Variants in NKAIN3 observed in about 807,000 individuals in gnomAD.
NKAIN3 encodes the protein sodium/potassium transporting ATPase interacting 3.
In NKAIN3, 25 loss-of-function variants were observed where a neutral mutation model predicts 30.2. That is an observed-to-expected ratio of 0.83 (90% CI 0.60 to 1.16). The LOEUF (loss-of-function observed/expected upper bound fraction) is 1.16, where lower values mean the gene tolerates loss of function less well. Among genes scored for constraint, NKAIN3 ranks in the 50% most tolerant of loss-of-function variants. The pLI, the probability that NKAIN3 is intolerant of heterozygous loss-of-function variation, is 0.00. For synonymous variants in NKAIN3, 91 were observed against 89.6 expected (o/e 1.02, Z -0.09); for missense variants, 225 against 254.1 (o/e 0.89, Z 0.78).
rs576112038 is a variant in NKAIN3, at chr8:62,421,576, G to A, written c.55-157963G>A. On this transcript the variant is annotated intron_variant, in intron 1 of 6. Coordinates refer to ENST00000623646, the MANE Select transcript of NKAIN3 (RefSeq NM_001304533.3). ...TTTTTCTGTATTAGCTGAAAATGCTGCGGGAGGAGGATTTGGCTGCAATTG... is the reference window on the plus strand; with the variant it reads ...TTTTTCTGTATTAGCTGAAAATGCTACGGGAGGAGGATTTGGCTGCAATTG... Among the ~76,000 whole-genome samples, 4 of 151,900 alleles carry A rather than the reference G, an allele frequency of 2.6e-5. No homozygotes were observed. The South Asian group carries it at 8.3e-4, about 32-fold the overall frequency.
intron 1 of NKAIN3, among the ~76,000 whole-genome samples, chr8:62,278,971 A>T (rs866110027): frequency 1.3e-5 from 2 of 152,116 alleles, no homozygotes; most frequent in African/African-American, 4.8e-5. Flanking sequence ...TCCACCATGG[A>T]TGAACTAGTT....
intron 1 of NKAIN3, among the ~76,000 whole-genome samples, chr8:62,489,694 A>G (rs1807011054): frequency 6.6e-6 from 1 of 152,260 alleles, no homozygotes; most frequent in African/African-American, 2.4e-5. Context: ...GAGGAAATCA[A>G]TAACCAAGTA....
intron 1 of NKAIN3, among the ~76,000 whole-genome samples, chr8:62,278,996 C>G (rs1289754426): frequency 6.6e-6 from 1 of 152,204 alleles, no homozygotes; most frequent in Non-Finnish European, 1.5e-5. Flanking sequence ...GTCCCACCAA[C>G]AGTGTAAAAG....
chr8:62,790,581 C>CTGTCTG (rs1554578141), intron 4 of NKAIN3, among the ~76,000 whole-genome samples: 1 of 147,398 alleles, frequency 6.8e-6, no homozygotes, highest in Non-Finnish European at 1.5e-5. Flanking sequence ...GTCTGTCTGT[C>CTGTCTG]TGTGTGTGTG....
intron 4 of NKAIN3, among the ~76,000 whole-genome samples, chr8:62,839,245 A>C (rs1819458574): frequency 6.6e-6 from 1 of 151,872 alleles, no homozygotes. Flanking sequence ...AACCAACTTA[A>C]AATCTGCTAA....
At chr8:62,987,119 G>A (rs1172295667), downstream of NKAIN3, among the ~76,000 whole-genome samples, 2 of 152,180 alleles carry the variant, frequency 1.3e-5, no homozygotes, top group Non-Finnish European at 2.9e-5. Context: ...GCGTGTGGTA[G>A]CTCATGCCTA....
At chr8:62,736,408 A>C (rs1341345897) in intron 3 of NKAIN3, among the ~76,000 whole-genome samples, 1 of 152,116 alleles carries the variant, frequency 6.6e-6, no homozygotes, top group East Asian at 1.9e-4. Context: ...TTATGTTCCA[A>C]GGCAGATTAT....
intron 4 of NKAIN3, among the ~76,000 whole-genome samples, chr8:62,878,389 T>A (rs1265739636): frequency 6.6e-6 from 1 of 151,794 alleles, no homozygotes; most frequent in African/African-American, 2.4e-5. Context: ...GACAGAAGAG[T>A]CTTGCTGGAG....
rs558132758 is a variant in NKAIN3 at position 62,565,208 on chromosome 8, T to A, written c.55-14331T>A. Reference sequence around the variant, plus strand: ...ATTTTATTTTTTTGATATATCAACATGTACTTTTATTATCCTATAATATCG... The same window carrying A: ...ATTTTATTTTTTTGATATATCAACAAGTACTTTTATTATCCTATAATATCG... On this transcript the variant is annotated intron_variant, in intron 1 of 6. Coordinates refer to ENST00000623646, the MANE Select transcript of NKAIN3 (RefSeq NM_001304533.3). 3.3e-5 allele frequency among the ~76,000 whole-genome samples: 5 copies of A among 152,300 alleles called. No individual in the cohort carries two copies. In the South Asian group the frequency reaches 1.0e-3, roughly 32 times the overall value.
intron 4 of NKAIN3, among the ~76,000 whole-genome samples, chr8:62,750,073 G>C (rs1205624622): frequency 6.6e-6 from 1 of 152,020 alleles, no homozygotes. Context: ...AAAAACAGGG[G>C]TGATGGTCGC....
intron 4 of NKAIN3, among the ~76,000 whole-genome samples, chr8:62,797,847 G>A (rs1197237602): frequency 6.6e-6 from 1 of 152,100 alleles, no homozygotes; most frequent in Non-Finnish European, 1.5e-5. Context: ...TGTGACTATT[G>A]TTATTATAAA....
At chr8:62,950,888 C>T (rs1823265238) in intron 5 of NKAIN3, among the ~76,000 whole-genome samples, 1 of 150,298 alleles carries the variant, frequency 6.7e-6, no homozygotes, top group Admixed American at 6.6e-5. Flanking sequence ...CAACTCTTTC[C>T]ATTTCTACCA....
chr8:62,743,420 C>T (rs1815970818), intron 3 of NKAIN3, among the ~76,000 whole-genome samples: 1 of 152,170 alleles, frequency 6.6e-6, no homozygotes, highest in Admixed American at 6.5e-5. Context: ...TCACAGTCCA[C>T]ACTCCTAAAA....
At chr8:62,963,119 CTGACCTCGGG>C (rs1823617421) in intron 6 of NKAIN3, among the ~76,000 whole-genome samples, 1 of 152,186 alleles carries the variant, frequency 6.6e-6, no homozygotes, top group African/African-American at 2.4e-5. Flanking sequence ...TCTCAAACTC[CTGACCTCGGG>C]TGATCCACCA....
At position 62,456,391 on chromosome 8, in the gene NKAIN3, C is replaced by T. The variant is rs1449749458; in HGVS notation, c.55-123148C>T. ...AAAATTAGCCAGGCGTGGTGGCGGG[C>T]GCCTGTAGTCCCAGCTACTTGGGAG... is the stretch of plus-strand genomic sequence containing the variant. On this transcript the variant is annotated intron_variant, in intron 1 of 6. Transcript: ENST00000623646. Among the ~76,000 whole-genome samples the T allele has an allele frequency of 1.2e-4, 19 of 152,040 alleles. No homozygotes were observed. In the East Asian group the frequency reaches 1.6e-3, roughly 12 times the overall value.
rs1045893922 is a variant in NKAIN3 at position 62,967,339 on chromosome 8, C to T, written c.*1932C>T. ...TTGCCATCTCTGCACTACAGTTTTC[C>T]TCATCAATGAAGTGGAACTATGATC... On this transcript the variant is annotated 3_prime_UTR_variant, in exon 7 of 7. Coordinates refer to ENST00000623646, the MANE Select transcript of NKAIN3 (RefSeq NM_001304533.3). Among the ~76,000 whole-genome samples the T allele has an allele frequency of 1.3e-5, 2 of 152,172 alleles. No individual in the cohort carries two copies. The highest frequency in any genetic ancestry group is 2.9e-5 in the Non-Finnish European group (2 of 68,038).
intron 1 of NKAIN3, among the ~76,000 whole-genome samples, chr8:62,484,767 G>C (rs1187810849): frequency 6.6e-6 from 1 of 152,100 alleles, no homozygotes; most frequent in African/African-American, 2.4e-5. Context: ...CTGGGTCTTG[G>C]GCCATCACTT....
intron 1 of NKAIN3, among the ~76,000 whole-genome samples, chr8:62,264,576 C>A (rs1812549427): frequency 6.6e-6 from 1 of 152,084 alleles, no homozygotes; most frequent in Admixed American, 6.5e-5. Flanking sequence ...GGTGATTCTA[C>A]CCTATGTTAT....
chr8:62,284,998 G>T (rs1332591491), intron 1 of NKAIN3, among the ~76,000 whole-genome samples: 1 of 152,046 alleles, frequency 6.6e-6, no homozygotes, highest in Non-Finnish European at 1.5e-5. Flanking sequence ...TTAAAGTGTG[G>T]GTTCAGGAAT....
Sources: allele counts gnomAD v4.1 joint callset (sites outside exome capture counted in the v4.1 genomes callset), GRCh38; gene constraint gnomAD v4.1.1; transcripts MANE v1.5; gene names NCBI Gene and HGNC (gene_info 2026-07-23, HGNC 2026-07-21).